Variants in WDFY3 observed in about 807,000 individuals in gnomAD.
WDFY3 encodes the protein WD repeat and FYVE domain-containing protein 3.
In WDFY3, 66 loss-of-function variants were observed where a neutral mutation model predicts 409.6. That is an observed-to-expected ratio of 0.16 (90% confidence interval 0.13 to 0.20). WDFY3 has a LOEUF of 0.20. Ranked by LOEUF, WDFY3 falls within the 10% of genes least tolerant of loss-of-function variation. The pLI is 1.00. For missense variants in WDFY3, 3,031 were observed against 4,298.1 expected (o/e 0.71, Z 8.24); for synonymous variants, 1,521 against 1,537.1 (o/e 0.99, Z 0.25).
At chr4:84,932,758 T>C (rs1157314785) in intron 1 of WDFY3, among the ~76,000 whole-genome samples, 1 of 152,182 alleles carries the variant, frequency 6.6e-6, no homozygotes, top group African/African-American at 2.4e-5. Context: ...AAAAAATTCA[T>C]GCTATTTCTC....
rs137957759 is a variant in WDFY3 at position 84,843,031 on chromosome 4, A to C, written c.305-1768T>G. On this transcript the variant is annotated intron_variant, in intron 5 of 67. Coordinates refer to ENST00000295888, the MANE Select transcript of WDFY3 (RefSeq NM_014991.6). The stretch of plus-strand genomic sequence containing the variant: ...TTTTAAAAACAGATTCTTTTTATTG[A>C]GTCTTAACTATATATCAAGCATTGT... 6.8e-3 allele frequency among the ~76,000 whole-genome samples: 1,029 copies of C among 152,354 alleles called. 8 individuals are homozygous for C. Among genetic ancestry groups the C allele is most frequent in the Middle Eastern group, 0.017 (5 of 294 alleles).
At chr4:84,746,145 CAAAAA>C (rs761664622) in intron 36 of WDFY3, among the ~76,000 whole-genome samples, 22 of 60,630 alleles carry the variant, frequency 3.6e-4, no homozygotes, top group African/African-American at 1.3e-3. Context: ...CTGTCTCTAC[CAAAAA>C]AAAAAAAAAA....
rs1415846796 is a variant in WDFY3, at chr4:84,747,675, T to C, written c.5973+3808A>G. ...TAAATCATGGGGGTGGTTACTCTCA[T>C]GCTGTTCTTGTGATAGTGAGTGAGT... On this transcript the variant is annotated intron_variant, in intron 36 of 67. Transcript: ENST00000295888. Among the ~76,000 whole-genome samples, 7 of 152,044 alleles carry C rather than the reference T, an allele frequency of 4.6e-5. No homozygotes were observed. The East Asian group carries it at 1.4e-3, about 30-fold the overall frequency.
intron 27 of WDFY3, 75 bp from the exon 28 acceptor site, chr4:84,775,213 C>T: frequency 8.3e-7 from 1 of 1,206,060 alleles, no homozygotes; most frequent in Non-Finnish European, 1.2e-6. Flanking sequence ...AACACCAATA[C>T]AGCACATGGA....
intron 17 of WDFY3, among the ~76,000 whole-genome samples, chr4:84,798,889 T>C (rs1749979667): frequency 8.4e-6 from 1 of 118,758 alleles, no homozygotes; most frequent in South Asian, 2.5e-4. Context: ...TGGCTGTCCA[T>C]TTCTGTAGTT....
chr4:84,809,384 G>C, intron 14 of WDFY3: 1 of 153,300 alleles, frequency 6.5e-6, no homozygotes, highest in South Asian at 2.1e-4. Flanking sequence ...TTTCATGAAG[G>C]AATGAGTAAA....
intron 12 of WDFY3, 23 bp downstream of exon 12, chr4:84,820,062 T>C (rs567405513): frequency 4.4e-5 from 70 of 1,576,536 alleles, no homozygotes; most frequent in South Asian, 9.3e-5. Context: ...CCCAAAGTAT[T>C]TGCTTGCAGC....
chr4:84,812,563 G>A (rs1260296728), intron 13 of WDFY3, among the ~76,000 whole-genome samples: 9 of 152,128 alleles, frequency 5.9e-5, no homozygotes, highest in African/African-American at 1.7e-4. Context: ...AGAAGTGCCC[G>A]GCATATAAGC....
intron 36 of WDFY3, among the ~76,000 whole-genome samples, chr4:84,750,337 A>G (rs1432641304): frequency 1.3e-5 from 2 of 152,172 alleles, no homozygotes; most frequent in African/African-American, 4.8e-5. Flanking sequence ...GCTTAGCATA[A>G]CTGGTACCCT....
In WDFY3 at chr4:84,696,001, A is replaced by C. The variant is rs1360447829; in HGVS notation, c.8870T>G (p.Phe2957Cys). The C allele has an allele frequency of 6.2e-7, 1 of 1,614,220 alleles. No individual in the cohort carries two copies. Among genetic ancestry groups the C allele is most frequent in the Non-Finnish European group, 8.5e-7 (1 of 1,180,032 alleles). ...AGGGATCTGACCGAAGTTATTAATG[A>C]ACCCAATTGTGGCTGTCTCCTTTAG... Reference protein sequence around the residue: ...DPLKETATIGFINNFGQIPKQ... With the variant: ...DPLKETATIGCINNFGQIPKQ... The change falls in exon 58 of 68, where the codon TTC becomes TGC. Residue 2957 changes from phenylalanine (F) to cysteine (C), a missense_variant. Physicochemically the swap from Phe to Cys is radical, Grantham distance 205. This residue lies in a region of WDFY3 where 129 missense variants were observed against 305.3 expected (regional missense o/e 0.42). Coordinates refer to ENST00000295888, the MANE Select transcript of WDFY3 (RefSeq NM_014991.6).
At chr4:84,718,630 T>TA (rs1462026683) in intron 47 of WDFY3, 60 bp from the exon 48 acceptor site, 2 of 1,572,146 alleles carry the variant, frequency 1.3e-6, no homozygotes, top group African/African-American at 2.7e-5. Flanking sequence ...CAATTTTTGT[T>TA]AGACTACTAC....
chr4:84,847,894 A>G (rs1044958316), intron 5 of WDFY3, among the ~76,000 whole-genome samples: 2 of 151,374 alleles, frequency 1.3e-5, no homozygotes, highest in African/African-American at 4.8e-5. Flanking sequence ...TAGAAATGAA[A>G]AACATTTTTT....
chr4:84,727,031 T>C (rs375240228), intron 44 of WDFY3, 120 bp from the exon 45 acceptor site: 65 of 818,968 alleles, frequency 7.9e-5, no homozygotes, highest in East Asian at 5.7e-4. Flanking sequence ...CAAACAAAAT[T>C]AACATGATAG....
chr4:84,775,297 T>C (rs1264921991), intron 27 of WDFY3, among the ~76,000 whole-genome samples, 159 bp from the exon 28 acceptor site: 1 of 151,972 alleles, frequency 6.6e-6, no homozygotes, highest in African/African-American at 2.4e-5. Context: ...AAAATCATTA[T>C]AAATTGGCCA....
intron 1 of WDFY3, among the ~76,000 whole-genome samples, chr4:84,949,264 A>C (rs1026019315): frequency 3.9e-5 from 6 of 152,206 alleles, no homozygotes; most frequent in Non-Finnish European, 8.8e-5. Flanking sequence ...AAAATATACA[A>C]AAGAAAAAAG....
chr4:84,847,933 G>GA (rs370861367), intron 5 of WDFY3, among the ~76,000 whole-genome samples: 6,861 of 144,304 alleles, frequency 0.048, 528 homozygotes, highest in African/African-American at 0.16. Context: ...TGTCACAAAT[G>GA]AAAAAAAAAA....
At chr4:84,892,606 T>C (rs187193117) in intron 3 of WDFY3, among the ~76,000 whole-genome samples, 102 of 152,292 alleles carry the variant, frequency 6.7e-4, no homozygotes, top group Admixed American at 1.4e-3. Context: ...TCTCCCAGTT[T>C]ATACTGGGCA....
intron 15 of WDFY3, among the ~76,000 whole-genome samples, chr4:84,805,354 T>A (rs919661413): frequency 1.3e-5 from 2 of 152,172 alleles, no homozygotes; most frequent in Non-Finnish European, 2.9e-5. Context: ...AAAGCAATAT[T>A]CTGAAAAAGG....
At chr4:84,715,816 A>G (rs1036990179) in intron 49 of WDFY3, among the ~76,000 whole-genome samples, 1 of 150,866 alleles carries the variant, frequency 6.6e-6, no homozygotes, top group Non-Finnish European at 1.5e-5. Context: ...ATTTGCTAAC[A>G]CTTTTAGAGT....
Sources: allele counts gnomAD v4.1 joint callset (sites outside exome capture counted in the v4.1 genomes callset), GRCh38; gene constraint gnomAD v4.1.1; regional missense constraint gnomAD v4.1.1; transcripts MANE v1.5; gene names NCBI Gene and HGNC (gene_info 2026-07-23, HGNC 2026-07-21).